Variants in GTF2IRD1 observed in about 807,000 individuals in gnomAD.
GTF2IRD1 encodes the protein general transcription factor II-I repeat domain-containing protein 1.
GTF2IRD1 carries 26 observed loss-of-function variants against 113.2 expected under a neutral mutation model. The ratio of observed to expected loss-of-function variants is 0.23; its 90% confidence interval spans 0.17 to 0.32. The LOEUF (loss-of-function observed/expected upper bound fraction) is 0.32. Among genes scored for constraint, GTF2IRD1 ranks in the 10% least tolerant of loss-of-function variants. GTF2IRD1 has a pLI of 1.00. For synonymous variants in GTF2IRD1, 484 were observed against 529.1 expected, an observed-to-expected ratio of 0.91 and a Z score of 1.17; for missense variants, 864 against 1,280.8, an observed-to-expected ratio of 0.67 and a Z score of 4.97.
At chr7:74,563,615 G>A (rs1260050004) in intron 22 of GTF2IRD1, among the ~76,000 whole-genome samples, 4 of 151,328 alleles carry the variant, frequency 2.6e-5, no homozygotes, top group Non-Finnish European at 5.9e-5. Context: ...ACCAGGAACA[G>A]TGGTTCACCC....
intron 22 of GTF2IRD1, among the ~76,000 whole-genome samples, chr7:74,586,650 A>C (rs1195406881): frequency 6.6e-6 from 1 of 152,182 alleles, no homozygotes; most frequent in Non-Finnish European, 1.5e-5. Flanking sequence ...GCAGGTGCCC[A>C]GCCTCTGTCC....
At position 74,524,008 on chromosome 7, in the gene GTF2IRD1, C is replaced by T. The variant is rs587595960; in HGVS notation, c.1007-63C>T. The stretch of plus-strand genomic sequence containing the variant: ...GGGGTGAAAGCCCGGTGGTCATGGC[C>T]GGTGGAGGGCGTGTGACCGTCCCGT... On this transcript the variant is annotated intron_variant, in intron 7 of 26. Transcript: ENST00000424337. 2.8e-5 allele frequency: 33 copies of T among 1,171,148 alleles called. 1 individual carries two copies. The East Asian group carries it at 5.4e-4, about 19-fold the overall frequency. 72.5% of individuals were successfully genotyped at this position (1,171,148 alleles called of 1,614,324 possible).
intron 1 of GTF2IRD1, 29 bp from the exon 2 acceptor site, chr7:74,508,046 C>T: frequency 6.3e-7 from 1 of 1,590,556 alleles, no homozygotes; most frequent in Non-Finnish European, 8.5e-7. Context: ...GCCTTGTGCC[C>T]ACCACCACTG....
intron 22 of GTF2IRD1, among the ~76,000 whole-genome samples, chr7:74,575,641 T>C (rs1800998929): frequency 6.6e-6 from 1 of 152,164 alleles, no homozygotes; most frequent in Non-Finnish European, 1.5e-5. Context: ...TGATATAAGC[T>C]GTGAGAAAAT....
At chr7:74,597,094 G>C (rs797023684) in intron 25 of GTF2IRD1, among the ~76,000 whole-genome samples, 138 of 152,018 alleles carry the variant, frequency 9.1e-4, no homozygotes, top group African/African-American at 3.2e-3. Context: ...CCAGGCTGGA[G>C]TGCAGTGGTG....
At chr7:74,500,971 T>G (rs1184227197) in intron 1 of GTF2IRD1, among the ~76,000 whole-genome samples, 2 of 152,130 alleles carry the variant, frequency 1.3e-5, no homozygotes, top group East Asian at 1.9e-4. Flanking sequence ...ATGTATGTAT[T>G]TATTCTCTTT....
chr7:74,467,338 C>T (rs1163583285), intron 1 of GTF2IRD1, among the ~76,000 whole-genome samples: 1 of 152,186 alleles, frequency 6.6e-6, no homozygotes, highest in Non-Finnish European at 1.5e-5. Context: ...CGTTCAGAGG[C>T]ATCTGGAGGG....
intron 1 of GTF2IRD1, among the ~76,000 whole-genome samples, chr7:74,499,388 AAGGAAGGG>A (rs1795898739): frequency 6.7e-6 from 1 of 149,562 alleles, no homozygotes; most frequent in African/African-American, 2.5e-5. Flanking sequence ...AAAAGTGTGC[AAGGAAGGG>A]AGGAAGGGAA....
intron 22 of GTF2IRD1, among the ~76,000 whole-genome samples, chr7:74,569,813 G>A (rs1228453372): frequency 6.6e-6 from 1 of 152,148 alleles, no homozygotes; most frequent in Non-Finnish European, 1.5e-5. Flanking sequence ...TGATGGTGGT[G>A]CTCGTCTCTA....
At chr7:74,520,089 CAAAAAAAAA>C (rs61019711) in intron 6 of GTF2IRD1, among the ~76,000 whole-genome samples, 3 of 24,572 alleles carry the variant, frequency 1.2e-4, no homozygotes, top group Non-Finnish European at 2.3e-4. Context: ...AGCTCTGTCT[CAAAAAAAAA>C]AAAAAAAAAA....
At chr7:74,515,696 G>A (rs1796892734) in intron 4 of GTF2IRD1, 100 bp downstream of exon 4, 1 of 995,158 alleles carries the variant, frequency 1.0e-6, no homozygotes. Flanking sequence ...TATGGGCCCT[G>A]GGCAAAGCCG....
intron 1 of GTF2IRD1, among the ~76,000 whole-genome samples, chr7:74,484,799 A>G (rs1330964593): frequency 6.6e-6 from 1 of 152,002 alleles, no homozygotes; most frequent in African/African-American, 2.4e-5. Flanking sequence ...CATTGTATGG[A>G]TAGACTGTGG....
At chr7:74,504,462 CTG>C (rs1796197332) in intron 1 of GTF2IRD1, among the ~76,000 whole-genome samples, 1 of 152,088 alleles carries the variant, frequency 6.6e-6, no homozygotes, top group Non-Finnish European at 1.5e-5. Flanking sequence ...GCCCAGTTGG[CTG>C]TGTGTCAGCT....
chr7:74,501,324 G>C (rs1185150875), intron 1 of GTF2IRD1, among the ~76,000 whole-genome samples: 1 of 152,188 alleles, frequency 6.6e-6, no homozygotes, highest in Non-Finnish European at 1.5e-5. Context: ...CCCGAGCTCA[G>C]GTTTCAGCTT....
At chr7:74,594,679 G>A (rs587657308) in intron 24 of GTF2IRD1, among the ~76,000 whole-genome samples, 16 of 152,268 alleles carry the variant, frequency 1.1e-4, no homozygotes, top group African/African-American at 3.4e-4. Flanking sequence ...TTCTCCGGGC[G>A]CGATGGCTCA....
At chr7:74,521,747 T>C (rs1025405551) in intron 7 of GTF2IRD1, among the ~76,000 whole-genome samples, 6 of 152,062 alleles carry the variant, frequency 3.9e-5, no homozygotes, top group Non-Finnish European at 8.8e-5. Context: ...GGGCAACAGT[T>C]AGACCCTATC....
At chr7:74,548,464 T>C (rs1444750870) in intron 17 of GTF2IRD1, among the ~76,000 whole-genome samples, 1 of 151,028 alleles carries the variant, frequency 6.6e-6, no homozygotes, top group African/African-American at 2.4e-5. Flanking sequence ...GTGGCAGTTA[T>C]TGAGTAAAAA....
chr7:74,533,279 CAT>C lies in GTF2IRD1; in HGVS notation c.1275-1833_1275-1832del, dbSNP rs1554349373. On this transcript the variant is annotated intron_variant, in intron 9 of 26. Transcript: ENST00000424337. Reference sequence around the variant, plus strand: ...CCTCCCAAGTAGCTGGGATTACAGGCATGCACCACCACACCTGGCTAGTTTTT... The same window carrying C: ...CCTCCCAAGTAGCTGGGATTACAGGCGCACCACCACACCTGGCTAGTTTTT... Among the ~76,000 whole-genome samples, 12 of 152,166 alleles carry C rather than the reference CAT, an allele frequency of 7.9e-5. No homozygotes were observed. The South Asian group carries it at 2.5e-3, about 32-fold the overall frequency.
intron 22 of GTF2IRD1, among the ~76,000 whole-genome samples, chr7:74,566,472 AG>A (rs1287607393): frequency 1.3e-5 from 2 of 152,164 alleles, no homozygotes; most frequent in African/African-American, 4.8e-5. Flanking sequence ...CCTCCCAAGT[AG>A]CTGGGATTAC....
Sources: allele counts gnomAD v4.1 joint callset (sites outside exome capture counted in the v4.1 genomes callset), GRCh38; gene constraint gnomAD v4.1.1; transcripts MANE v1.5; gene names NCBI Gene and HGNC (gene_info 2026-07-23, HGNC 2026-07-21).